The following HIP1 variants were observed in gnomAD, a reference collection of about 807,000 sequenced individuals.
HIP1 encodes the protein huntingtin interacting protein 1.
HIP1 carries 65 observed loss-of-function variants against 147.6 expected under a neutral mutation model. The observed-to-expected ratio is 0.44, with a 90% CI of 0.36 to 0.54. HIP1 has a LOEUF of 0.54. Ranked by LOEUF, HIP1 falls within the 20% of genes least tolerant of loss-of-function variation. The pLI, the probability that HIP1 is intolerant of heterozygous loss-of-function variation, is 0.00. For synonymous variants in HIP1, 479 were observed against 504.0 expected (o/e 0.95, Z 0.67); for missense variants, 1,061 against 1,299.6 (o/e 0.82, Z 2.82).
intron 1 of HIP1, among the ~76,000 whole-genome samples, chr7:75,642,799 G>GGAC (rs1798689062): frequency 6.6e-6 from 1 of 152,142 alleles, no homozygotes; most frequent in African/African-American, 2.4e-5. Context: ...TTCCCACAAT[G>GGAC]GACAGCCTTG....
intron 1 of HIP1, among the ~76,000 whole-genome samples, chr7:75,646,237 G>A (rs1416137998): frequency 1.3e-5 from 2 of 152,024 alleles, no homozygotes; most frequent in African/African-American, 4.8e-5. Flanking sequence ...CCGCCACCAC[G>A]CCCGGCTAAT....
At chr7:75,706,863 A>G (rs1323386079) in intron 1 of HIP1, among the ~76,000 whole-genome samples, 3 of 69,876 alleles carry the variant, frequency 4.3e-5, no homozygotes, top group African/African-American at 1.8e-4. Context: ...ATTCCCACCT[A>G]TGAGTGAGAA....
chr7:75,677,238 T>G (rs1008026498), intron 1 of HIP1, among the ~76,000 whole-genome samples: 1 of 150,996 alleles, frequency 6.6e-6, no homozygotes, highest in Non-Finnish European at 1.5e-5. Flanking sequence ...AATAATAAAG[T>G]AAAATAAAAT....
At chr7:75,730,700 G>C (rs1249987498) in intron 1 of HIP1, among the ~76,000 whole-genome samples, 1 of 151,340 alleles carries the variant, frequency 6.6e-6, no homozygotes, top group Admixed American at 6.6e-5. Context: ...CTCATGTAAG[G>C]CCTTTACCAT....
chr7:75,545,574 G>A (rs138969585), intron 25 of HIP1, among the ~76,000 whole-genome samples: 8,953 of 150,828 alleles, frequency 0.059, 277 homozygotes, highest in Non-Finnish European at 0.068. Context: ...CCTAGGAGGC[G>A]GAGGTTGCAG....
chr7:75,613,998 T>G (rs587630776), intron 1 of HIP1, among the ~76,000 whole-genome samples: 1 of 149,602 alleles, frequency 6.7e-6, no homozygotes, highest in African/African-American at 2.5e-5. Context: ...CACTACAACC[T>G]TAACCTCCTG....
intron 1 of HIP1, among the ~76,000 whole-genome samples, chr7:75,655,480 G>T (rs1799116288): frequency 6.6e-6 from 1 of 152,020 alleles, no homozygotes. Context: ...TACTTGGGAG[G>T]CTGAGGCAGG....
At chr7:75,628,475 C>CTTTTTTTTTTTTTTT (rs71098044) in intron 1 of HIP1, among the ~76,000 whole-genome samples, 1 of 132,632 alleles carries the variant, frequency 7.5e-6, no homozygotes, top group Non-Finnish European at 1.6e-5. Context: ...TCCTGTACCT[C>CTTTTTTTTTTTTTTT]TTTTTTTTTT....
intron 1 of HIP1, among the ~76,000 whole-genome samples, chr7:75,634,941 GAAAAAAAAAA>G (rs58461422): frequency 3.2e-5 from 2 of 62,578 alleles, no homozygotes; most frequent in Non-Finnish European, 5.8e-5. Flanking sequence ...CACTATCTCT[GAAAAAAAAAA>G]AAAAAAAAAA....
intron 1 of HIP1, among the ~76,000 whole-genome samples, chr7:75,708,388 C>T (rs149669932): frequency 1.3e-3 from 203 of 152,232 alleles, no homozygotes; most frequent in African/African-American, 4.8e-3. Flanking sequence ...TAGTTGTTGC[C>T]TGTGCCTTTT....
intron 1 of HIP1, among the ~76,000 whole-genome samples, chr7:75,692,135 T>A (rs1800475609): frequency 6.6e-6 from 1 of 152,240 alleles, no homozygotes; most frequent in East Asian, 1.9e-4. Context: ...GTTTCCGTTG[T>A]CTCCCCCCGT....
At chr7:75,557,227 T>TG (rs1378910029) in intron 16 of HIP1, among the ~76,000 whole-genome samples, 1 of 151,674 alleles carries the variant, frequency 6.6e-6, no homozygotes, top group African/African-American at 2.4e-5. Flanking sequence ...TTAGTAGAGA[T>TG]GGGGTTTCAC....
At chr7:75,638,223 A>AC in intron 1 of HIP1, among the ~76,000 whole-genome samples, 1 of 151,216 alleles carries the variant, frequency 6.6e-6, no homozygotes, top group Non-Finnish European at 1.5e-5. Flanking sequence ...GCCAATCAAG[A>AC]CCCCTGGGAA....
At chr7:75,634,828 T>C (rs1461750282) in intron 1 of HIP1, among the ~76,000 whole-genome samples, 1 of 150,646 alleles carries the variant, frequency 6.6e-6, no homozygotes, top group Non-Finnish European at 1.5e-5. Flanking sequence ...TGGTCCTAGC[T>C]ACTCAGGAGG....
At chr7:75,621,723 G>A (rs587626965) in intron 1 of HIP1, among the ~76,000 whole-genome samples, 28 of 152,294 alleles carry the variant, frequency 1.8e-4, no homozygotes, top group East Asian at 7.7e-4. Flanking sequence ...AGGAGGTGTC[G>A]AGACGTGGTC....
intron 1 of HIP1, among the ~76,000 whole-genome samples, chr7:75,623,494 A>G (rs1554507531): frequency 6.6e-6 from 1 of 152,190 alleles, no homozygotes; most frequent in Non-Finnish European, 1.5e-5. Flanking sequence ...ATCCCACAGT[A>G]CAGACACAGA....
chr7:75,555,393 C>T, intron 19 of HIP1, 23 bp downstream of exon 19: 2 of 1,612,646 alleles, frequency 1.2e-6, no homozygotes, highest in Non-Finnish European at 1.7e-6. Context: ...TGGCCCCTGC[C>T]AGCTGGGCAA....
intron 1 of HIP1, among the ~76,000 whole-genome samples, chr7:75,683,504 G>A (rs556184385): frequency 4.1e-4 from 62 of 152,320 alleles, no homozygotes; most frequent in Non-Finnish European, 1.8e-4. Context: ...GTACCTGTGT[G>A]TGCAGATGCA....
intron 1 of HIP1, among the ~76,000 whole-genome samples, chr7:75,666,359 AG>A: frequency 6.6e-6 from 1 of 151,576 alleles, no homozygotes. Flanking sequence ...CAGTAGAGAC[AG>A]GGTTTCGCCA....
Sources: gnomAD v4.1 joint callset for allele counts (sites outside exome capture counted in the v4.1 genomes callset) on GRCh38, gnomAD v4.1.1 for gene constraint, MANE v1.5 for transcripts, NCBI Gene and HGNC (gene_info 2026-07-23, HGNC 2026-07-21) for gene names.